VDAC1: variants seen among roughly 807,000 people sequenced by gnomAD.
VDAC1 encodes the protein non-selective voltage-gated ion channel VDAC1.
A neutral mutation model predicts 34.7 loss-of-function variants in VDAC1; 10 were observed. The observed-to-expected ratio is 0.29, with a 90% CI of 0.18 to 0.49. VDAC1 has a LOEUF of 0.49. VDAC1 is among the 20% of genes least tolerant of loss of function. VDAC1 has a pLI of 0.99. For synonymous variants in VDAC1, 130 were observed against 136.0 expected (o/e 0.96, Z 0.30); for missense variants, 230 against 347.9 (o/e 0.66, Z 2.69).
chr5:134,068,319 G>A, the VDAC1 span, among the ~76,000 whole-genome samples: 1,603 of 146,868 alleles, frequency 0.011, 27 homozygotes, highest in Middle Eastern at 0.029. Context: ...TGTGTCTTCC[G>A]TTCCACTCCT....
the VDAC1 span, among the ~76,000 whole-genome samples, chr5:134,101,001 G>GAGC: frequency 6.6e-6 from 1 of 152,248 alleles, no homozygotes; most frequent in African/African-American, 2.4e-5. Flanking sequence ...TCCATTCTCT[G>GAGC]AGCTACCCAT....
At chr5:134,011,329 G>GT in the VDAC1 span, among the ~76,000 whole-genome samples, 1 of 151,862 alleles carries the variant, frequency 6.6e-6, no homozygotes, top group African/African-American at 2.4e-5. Context: ...GGGGTTATTT[G>GT]TTTTTTTGCT....
the VDAC1 span, among the ~76,000 whole-genome samples, chr5:134,049,830 C>G: frequency 6.6e-6 from 1 of 152,196 alleles, no homozygotes; most frequent in Non-Finnish European, 1.5e-5. Flanking sequence ...ATTGGCCCCA[C>G]TTGGCCTCCC....
At chr5:134,108,267 A>T in the VDAC1 span, among the ~76,000 whole-genome samples, 1 of 152,192 alleles carries the variant, frequency 6.6e-6, no homozygotes, top group Non-Finnish European at 1.5e-5. Context: ...GAAGAAACAC[A>T]TTGGACCATT....
the VDAC1 span, among the ~76,000 whole-genome samples, chr5:134,042,407 C>G: frequency 2.0e-5 from 3 of 152,230 alleles, no homozygotes. Flanking sequence ...GGTGCCCAGG[C>G]TAGGTGACCT....
intron 6 of VDAC1, 84 bp from the exon 7 acceptor site, chr5:133,976,105 A>G (rs1021539862): frequency 2.3e-5 from 35 of 1,548,054 alleles, no homozygotes; most frequent in Non-Finnish European, 2.9e-5. Flanking sequence ...CTCCCAGAAG[A>G]CAGGGATGAC....
chr5:134,064,379 C>G, the VDAC1 span, among the ~76,000 whole-genome samples: 2 of 151,940 alleles, frequency 1.3e-5, no homozygotes, highest in African/African-American at 4.8e-5. Context: ...AATCTTGGCT[C>G]ACTGCAACCT....
At chr5:134,054,100 C>T in the VDAC1 span, among the ~76,000 whole-genome samples, 1 of 152,218 alleles carries the variant, frequency 6.6e-6, no homozygotes, top group Non-Finnish European at 1.5e-5. Context: ...CTGGAAAGTA[C>T]TGTCCTCATC....
the VDAC1 span, among the ~76,000 whole-genome samples, chr5:134,073,322 G>C: frequency 6.6e-6 from 1 of 152,160 alleles, no homozygotes; most frequent in African/African-American, 2.4e-5. Flanking sequence ...TAAACCAGGG[G>C]CATCGCATGG....
chr5:134,003,657 A>C (rs919617875), intron 1 of VDAC1, among the ~76,000 whole-genome samples: 1 of 152,184 alleles, frequency 6.6e-6, no homozygotes, highest in African/African-American at 2.4e-5. Flanking sequence ...GGCTGGATTC[A>C]CCCAAAAAGC....
chr5:134,023,267 T>A, the VDAC1 span, among the ~76,000 whole-genome samples: 1 of 150,586 alleles, frequency 6.6e-6, no homozygotes. Context: ...TAAGTGGGAG[T>A]TGAACAATAG....
the VDAC1 span, among the ~76,000 whole-genome samples, chr5:134,074,332 A>G: frequency 1.3e-5 from 2 of 151,438 alleles, no homozygotes; most frequent in South Asian, 4.2e-4. Context: ...AAATAAATAA[A>G]TAAATAAATA....
At chr5:134,008,180 G>C (rs1480250932), upstream of VDAC1, among the ~76,000 whole-genome samples, 1 of 151,836 alleles carries the variant, frequency 6.6e-6, no homozygotes, top group Non-Finnish European at 1.5e-5. Flanking sequence ...CGCAGGGATG[G>C]ACCAATGAGA....
the VDAC1 span, among the ~76,000 whole-genome samples, chr5:134,051,366 T>G: frequency 6.6e-6 from 1 of 152,226 alleles, no homozygotes; most frequent in African/African-American, 2.4e-5. Flanking sequence ...TTGGGATGCT[T>G]CTGCAGGTTA....
upstream of VDAC1, among the ~76,000 whole-genome samples, chr5:134,009,827 C>T (rs1753804172): frequency 6.6e-6 from 1 of 151,970 alleles, no homozygotes; most frequent in Non-Finnish European, 1.5e-5. Context: ...ACTACAGGTG[C>T]GTGCCACCAC....
intron 3 of VDAC1, 32 bp from the exon 4 acceptor site, chr5:133,991,186 A>G: frequency 5.6e-6 from 9 of 1,604,184 alleles, no homozygotes; most frequent in Non-Finnish European, 7.6e-6. Context: ...CACAGCCTGC[A>G]CCATAGCACT....
the VDAC1 span, among the ~76,000 whole-genome samples, chr5:134,105,157 A>G: frequency 6.6e-6 from 1 of 152,116 alleles, no homozygotes; most frequent in Admixed American, 6.5e-5. Flanking sequence ...CCCCACCTCC[A>G]CCAGAAGCTC....
Position 133,985,990 on chromosome 5 carries a change from A to C in VDAC1, c.323+4865T>G, listed in dbSNP as rs545886856. On this transcript the variant is annotated intron_variant, in intron 5 of 8. Transcript: ENST00000265333. ...GGCCAGGGCCCACAATCCCCAAGAG[A>C]AAGGGCAGTGCTGGGGAGTGGCTCA... is the stretch of plus-strand genomic sequence containing the variant. 1.3e-3 allele frequency among the ~76,000 whole-genome samples: 192 copies of C among 152,274 alleles called. 2 individuals carry two copies. The highest frequency in any genetic ancestry group is 3.4e-3 in the Middle Eastern group (1 of 294).
chr5:134,057,501 A>ATATCTG, the VDAC1 span, among the ~76,000 whole-genome samples: 1 of 145,732 alleles, frequency 6.9e-6, no homozygotes, highest in African/African-American at 2.5e-5. Context: ...ATTTATATCT[A>ATATCTG]TATCTATATC....
Sources: allele counts gnomAD v4.1 joint callset (sites outside exome capture counted in the v4.1 genomes callset), GRCh38; gene constraint gnomAD v4.1.1; transcripts MANE v1.5; gene names NCBI Gene and HGNC (gene_info 2026-07-23, HGNC 2026-07-21).